PCDHA9: variants seen among roughly 807,000 people sequenced by gnomAD.
PCDHA9 encodes the protein protocadherin alpha 9.
PCDHA9 carries 62 observed loss-of-function variants against 62.0 expected under a neutral mutation model. That is an observed-to-expected ratio of 1.00 (90% CI 0.81 to 1.23). The LOEUF (loss-of-function observed/expected upper bound fraction) is 1.23. Ranked by LOEUF, PCDHA9 falls within the 50% of genes most tolerant of loss-of-function variation. PCDHA9 has a pLI of 0.00. For missense variants in PCDHA9, 1,205 were observed against 1,249.8 expected, an observed-to-expected ratio of 0.96 and a Z score of 0.54; for synonymous variants, 557 against 567.6, an observed-to-expected ratio of 0.98 and a Z score of 0.27.
chr5:140,965,168 T>C (rs1484687706), intron 1 of PCDHA9, among the ~76,000 whole-genome samples: 1 of 152,180 alleles, frequency 6.6e-6, no homozygotes, highest in Non-Finnish European at 1.5e-5. Context: ...GACGTTTTAG[T>C]GAGTGCTTTT....
At position 140,968,158 on chromosome 5, in the gene PCDHA9, C is replaced by T. The variant is rs191279827; in HGVS notation, c.2395-10791C>T. The T allele has an allele frequency of 3.7e-6, 6 of 1,614,124 alleles. No individual in the cohort carries two copies. The African/African-American group carries it at 4.0e-5, about 11-fold the overall frequency. On this transcript the variant is annotated intron_variant, in intron 1 of 3. Transcript: ENST00000532602. ...AGGTTGAGATCTCTGACATCAATGA[C>T]AATCCACCAAGCTTCCTGGAGGACT...
At chr5:140,936,367 A>C (rs1347774517) in intron 1 of PCDHA9, among the ~76,000 whole-genome samples, 2 of 152,230 alleles carry the variant, frequency 1.3e-5, no homozygotes, top group East Asian at 1.9e-4. Flanking sequence ...GCTACTGAGC[A>C]CTTGAAATGT....
At chr5:140,948,727 T>C (rs2094298087) in intron 1 of PCDHA9, among the ~76,000 whole-genome samples, 2 of 151,670 alleles carry the variant, frequency 1.3e-5, no homozygotes, top group Admixed American at 1.3e-4. Flanking sequence ...TATCAATAAG[T>C]CTAGCTGAGA....
At chr5:140,929,457 G>A (rs975305297) in intron 1 of PCDHA9, 25 of 1,362,276 alleles carry the variant, frequency 1.8e-5, no homozygotes, top group Non-Finnish European at 2.4e-5. Flanking sequence ...AGCACTTCCT[G>A]TGCCAAGAAA....
At chr5:140,930,993 C>T (rs1275430453) in intron 1 of PCDHA9, among the ~76,000 whole-genome samples, 1 of 152,140 alleles carries the variant, frequency 6.6e-6, no homozygotes, top group African/African-American at 2.4e-5. Flanking sequence ...TCATGACCTA[C>T]ACTAATAACA....
intron 2 of PCDHA9, among the ~76,000 whole-genome samples, chr5:140,981,822 G>A (rs1229465317): frequency 6.6e-6 from 1 of 151,926 alleles, no homozygotes; most frequent in Non-Finnish European, 1.5e-5. Flanking sequence ...ATCTCTGCTT[G>A]CCTCTAAAGG....
At position 140,967,061 on chromosome 5, in the gene PCDHA9, C is replaced by G. The variant is rs1554229125; in HGVS notation, c.2395-11888C>G. The G allele has an allele frequency of 1.9e-6, 3 of 1,612,886 alleles. No individual in the cohort carries two copies. The Admixed American group carries it at 5.0e-5, about 27-fold the overall frequency. On this transcript the variant is annotated intron_variant, in intron 1 of 3. Coordinates refer to ENST00000532602, the MANE Select transcript of PCDHA9 (RefSeq NM_031857.2). ...GGAGCTGGACCTGACGAGTGGAGCG[C>G]TCTTCGTCAACGAGCGCATTGATCG...
At chr5:140,869,479 A>G (rs781927972) in intron 1 of PCDHA9, 35 of 1,614,086 alleles carry the variant, frequency 2.2e-5, no homozygotes, top group Middle Eastern at 1.6e-4. Context: ...GGTGAAGGAC[A>G]TTAACGACAA....
intron 1 of PCDHA9, among the ~76,000 whole-genome samples, chr5:140,962,154 C>T (rs1447978704): frequency 3.9e-5 from 6 of 152,210 alleles, no homozygotes; most frequent in Admixed American, 1.3e-4. Context: ...GGATTACAGG[C>T]GTGAGCCACC....
intron 1 of PCDHA9, among the ~76,000 whole-genome samples, chr5:140,911,235 A>G (rs1426271043): frequency 1.3e-5 from 2 of 152,146 alleles, no homozygotes; most frequent in Non-Finnish European, 2.9e-5. Flanking sequence ...TTCTTCTGGC[A>G]AAAAAAGTTT....
In PCDHA9 at chr5:141,009,951, A is replaced by G. The variant is rs2303646; in HGVS notation, c.*14A>G. On this transcript the variant is annotated 3_prime_UTR_variant, in exon 4 of 4. Coordinates refer to ENST00000532602, the MANE Select transcript of PCDHA9 (RefSeq NM_031857.2). ...AGTGACCAGTGAGGTCCTCAAATGGAAACAAGCCACTTAGCCAGTTTTTGT... is the reference window on the plus strand; with the variant it reads ...AGTGACCAGTGAGGTCCTCAAATGGGAACAAGCCACTTAGCCAGTTTTTGT... 5,767 of 1,593,458 alleles carry G rather than the reference A, an allele frequency of 3.6e-3. 231 individuals are homozygous for G. In the East Asian group the frequency reaches 0.095, roughly 26 times the overall value.
chr5:141,006,379 G>GT (rs2098271047), intron 3 of PCDHA9, among the ~76,000 whole-genome samples: 1 of 151,748 alleles, frequency 6.6e-6, no homozygotes, highest in South Asian at 2.1e-4. Flanking sequence ...GCCCGGCTAA[G>GT]TTTTTTCTAT....
At chr5:140,998,049 ACAT>A (rs782468760) in intron 3 of PCDHA9, among the ~76,000 whole-genome samples, 4 of 152,194 alleles carry the variant, frequency 2.6e-5, no homozygotes, top group Admixed American at 6.5e-5. Flanking sequence ...TAACTCAGTG[ACAT>A]CATCATCAAC....
chr5:141,003,017 G>T (rs1398844749), intron 3 of PCDHA9, among the ~76,000 whole-genome samples: 1 of 152,240 alleles, frequency 6.6e-6, no homozygotes, highest in Non-Finnish European at 1.5e-5. Flanking sequence ...GGGAAAGTCA[G>T]TGTAAATCAG....
At chr5:140,991,740 GCT>G (rs1175946938) in intron 3 of PCDHA9, among the ~76,000 whole-genome samples, 3 of 152,200 alleles carry the variant, frequency 2.0e-5, no homozygotes, top group African/African-American at 7.2e-5. Context: ...GGTAATGTAG[GCT>G]CTTTCTATCA....
intron 1 of PCDHA9, chr5:140,858,899 C>G (rs1236968449): frequency 4.9e-6 from 1 of 203,942 alleles, no homozygotes; most frequent in South Asian, 8.1e-5. Context: ...ATATGTGTAG[C>G]GTACCACAGC....
At chr5:140,856,925 T>G in intron 1 of PCDHA9, 1 of 1,595,180 alleles carries the variant, frequency 6.3e-7, no homozygotes, top group Non-Finnish European at 8.6e-7. Flanking sequence ...AAGGAAATTT[T>G]GGATAAACGA....
intron 1 of PCDHA9, among the ~76,000 whole-genome samples, chr5:140,974,566 C>T (rs2096631979): frequency 6.6e-6 from 1 of 152,138 alleles, no homozygotes; most frequent in African/African-American, 2.4e-5. Context: ...GGCTGGAGTG[C>T]AATGGCATGA....
rs187844001 is a variant in PCDHA9 at position 140,981,487 on chromosome 5, T to C, written c.2454-988T>C. On this transcript the variant is annotated intron_variant, in intron 2 of 3. Coordinates refer to ENST00000532602, the MANE Select transcript of PCDHA9 (RefSeq NM_031857.2). ...TACTTGGGAGGCTGAGGCAGGAGAA[T>C]TGCTTGAACCTGGGAGGCAGAGGTT... Among the ~76,000 whole-genome samples the C allele has an allele frequency of 5.5e-3, 843 of 152,250 alleles. 8 individuals carry two copies. Among genetic ancestry groups the C allele is most frequent in the African/African-American group, 0.019 (806 of 41,542 alleles).
Sources: gnomAD v4.1 joint callset for allele counts (sites outside exome capture counted in the v4.1 genomes callset) on GRCh38, gnomAD v4.1.1 for gene constraint, MANE v1.5 for transcripts, NCBI Gene and HGNC (gene_info 2026-07-23, HGNC 2026-07-21) for gene names.